Variants in MYO6 observed in about 807,000 individuals in gnomAD.
The protein encoded by MYO6 is unconventional myosin-VI.
Under a neutral mutation model 178.7 loss-of-function variants are expected in MYO6, and 74 were observed. The ratio of observed to expected loss-of-function variants is 0.41; its 90% CI spans 0.34 to 0.50. The LOEUF is 0.50. Among genes scored for constraint, MYO6 ranks in the 20% least tolerant of loss-of-function variants. The pLI is 0.09. For missense variants in MYO6, 1,330 were observed against 1,547.4 expected, an observed-to-expected ratio of 0.86 and a Z score of 2.36; for synonymous variants, 477 against 504.6, an observed-to-expected ratio of 0.95 and a Z score of 0.73.
Position 75,907,781 on chromosome 6 carries a change from G to GGTGTGTGTGT in MYO6, c.3280+76_3280+85dup, listed in dbSNP as rs957330651. 2.9e-6 allele frequency: 3 copies of GGTGTGTGTGT among 1,035,544 alleles called. No individual in the cohort carries two copies. In the East Asian group the frequency reaches 7.7e-5, roughly 27 times the overall value. The allele number at this position is 1,035,544 out of a possible 1,614,324, so 64.1% of individuals were successfully genotyped here. A position where few individuals can be genotyped will look rare whatever the true frequency, so the allele number is the denominator to read the frequency against. On this transcript the variant is annotated intron_variant, in intron 31 of 34. Transcript: ENST00000369977. ...GTGATAAATACCTAGATTAGGGTGA[G>GGTGTGTGTGT]GTGTGTGTGTGTATGTGTGTGTGTG... is the stretch of plus-strand genomic sequence containing the variant.
At chr6:75,845,774 C>G (rs969262296) in intron 10 of MYO6, among the ~76,000 whole-genome samples, 2 of 151,996 alleles carry the variant, frequency 1.3e-5, no homozygotes, top group Admixed American at 1.3e-4. Context: ...CATTTGAGTT[C>G]AGGAGTTTGA....
At chr6:75,859,640 G>T (rs1418523330) in intron 14 of MYO6, among the ~76,000 whole-genome samples, 2 of 144,028 alleles carry the variant, frequency 1.4e-5, no homozygotes, top group Non-Finnish European at 3.0e-5. Flanking sequence ...CCTTCTACCC[G>T]CATCCCTGCC....
At chr6:75,807,595 G>T (rs1770229868) in intron 1 of MYO6, among the ~76,000 whole-genome samples, 1 of 152,082 alleles carries the variant, frequency 6.6e-6, no homozygotes, top group Non-Finnish European at 1.5e-5. Flanking sequence ...CAAGAGAGAG[G>T]GTTCTTGGAT....
At chr6:75,782,938 A>G (rs917172011) in intron 1 of MYO6, among the ~76,000 whole-genome samples, 5 of 140,162 alleles carry the variant, frequency 3.6e-5, no homozygotes, top group Admixed American at 7.2e-5. Context: ...TTGAGAAGAC[A>G]GGGTCTTGCT....
Position 75,892,686 on chromosome 6 carries a change from C to A in MYO6, c.3103C>A (p.Arg1035=), listed in dbSNP as rs551471138. 1.9e-6 allele frequency: 3 copies of A among 1,612,218 alleles called. No homozygotes were observed. Among genetic ancestry groups the A allele is most frequent in the Non-Finnish European group, 2.5e-6 (3 of 1,179,936 alleles). Residue 1035 remains arginine, a synonymous_variant, in exon 28 of 35, where the codon CGG becomes AGG. Transcript: ENST00000369977. The stretch of plus-strand genomic sequence containing the variant: ...TGAGGCCCAGGCCGACCTGGCGCTG[C>A]GGAGGTACTGGGGCCCCTGGGTGGG... The part of the protein sequence containing the change: ...SDEAQADLAL[R]RNDGTRPKMT...
chr6:75,787,677 TC>T (rs1189834644), intron 1 of MYO6, among the ~76,000 whole-genome samples: 31 of 12,418 alleles, frequency 2.5e-3, no homozygotes, highest in Non-Finnish European at 3.3e-3. Context: ...ATGGAACTAT[TC>T]TCTCTCTCTC....
chr6:75,866,918 G>T lies in MYO6; in HGVS notation c.1771-14G>T. Reference sequence around the variant, plus strand: ...AAGATGGACAGAAACATTCCTGTTTGATTTATTTTTCAGACCCAGTTTGTG... The same window carrying T: ...AAGATGGACAGAAACATTCCTGTTTTATTTATTTTTCAGACCCAGTTTGTG... On this transcript the variant is annotated splice_polypyrimidine_tract_variant and intron_variant, in intron 17 of 34. Transcript: ENST00000369977. 6.2e-7 allele frequency: 1 copy of T among 1,612,754 alleles called. No homozygotes were observed. The highest frequency in any genetic ancestry group is 1.1e-5 in the South Asian group (1 of 90,908).
At chr6:75,781,973 C>G (rs1329450518) in intron 1 of MYO6, among the ~76,000 whole-genome samples, 1 of 147,414 alleles carries the variant, frequency 6.8e-6, no homozygotes, top group Non-Finnish European at 1.5e-5. Flanking sequence ...TGGCGTGTCA[C>G]CTAAACCACG....
At chr6:75,772,119 A>G (rs1562135069) in intron 1 of MYO6, among the ~76,000 whole-genome samples, 1 of 152,144 alleles carries the variant, frequency 6.6e-6, no homozygotes, top group East Asian at 1.9e-4. Context: ...TTTCTGGCCT[A>G]CCGTATCTAA....
intron 1 of MYO6, among the ~76,000 whole-genome samples, chr6:75,784,451 G>T (rs1767305147): frequency 6.6e-6 from 1 of 151,950 alleles, no homozygotes; most frequent in South Asian, 2.1e-4. Flanking sequence ...GCTTTCCATA[G>T]GATATGGCAG....
rs548741743 is a variant in MYO6 at position 75,912,817 on chromosome 6, C to G, written c.3439+1119C>G. ...AGCAAAAGAATAGATAAGCAGATGT[C>G]TGTTAATATGTGATGCAGCTTTTAA... On this transcript the variant is annotated intron_variant, in intron 33 of 34. Coordinates refer to ENST00000369977, the MANE Select transcript of MYO6 (RefSeq NM_004999.4). Among the ~76,000 whole-genome samples the G allele has an allele frequency of 2.0e-5, 3 of 152,226 alleles. No individual in the cohort carries two copies. The East Asian group carries it at 5.8e-4, about 29-fold the overall frequency.
chr6:75,821,730 G>C (rs1771896891), intron 2 of MYO6, among the ~76,000 whole-genome samples: 1 of 152,048 alleles, frequency 6.6e-6, no homozygotes, highest in South Asian at 2.1e-4. Context: ...AGAAACTTCA[G>C]CCACAAGAGT....
At chr6:75,905,170 T>C (rs888744416) in intron 30 of MYO6, among the ~76,000 whole-genome samples, 1 of 151,576 alleles carries the variant, frequency 6.6e-6, no homozygotes, top group Non-Finnish European at 1.5e-5. Flanking sequence ...AGGTTACTGC[T>C]GTCTTTTTGT....
At chr6:75,898,165 C>T (rs1044840741) in intron 29 of MYO6, among the ~76,000 whole-genome samples, 1 of 152,136 alleles carries the variant, frequency 6.6e-6, no homozygotes, top group African/African-American at 2.4e-5. Flanking sequence ...ATTCAAATAA[C>T]TTGAACTGGA....
chr6:75,905,739 G>A (rs541078013), intron 30 of MYO6, among the ~76,000 whole-genome samples: 4 of 152,284 alleles, frequency 2.6e-5, no homozygotes, highest in South Asian at 2.1e-4. Context: ...ATCTTGGCTC[G>A]TGCCTCCACA....
At chr6:75,762,947 C>G (rs1778078989) in intron 1 of MYO6, among the ~76,000 whole-genome samples, 2 of 151,634 alleles carry the variant, frequency 1.3e-5, no homozygotes, top group Admixed American at 1.3e-4. Context: ...GTATTGAACT[C>G]CTGGTCTCAA....
chr6:75,775,305 T>TG (rs1413073510), intron 1 of MYO6, among the ~76,000 whole-genome samples: 6 of 152,130 alleles, frequency 3.9e-5, no homozygotes, highest in Non-Finnish European at 7.4e-5. Flanking sequence ...AATTCTTCCA[T>TG]AGCAGGCACA....
chr6:75,816,970 G>T (rs1771318050), intron 1 of MYO6, among the ~76,000 whole-genome samples: 1 of 152,190 alleles, frequency 6.6e-6, no homozygotes, highest in Non-Finnish European at 1.5e-5. Flanking sequence ...TAGAGCAGGT[G>T]TACCTGAGGG....
chr6:75,854,372 G>A (rs1350717212), intron 11 of MYO6, among the ~76,000 whole-genome samples: 2 of 141,562 alleles, frequency 1.4e-5, no homozygotes, highest in Non-Finnish European at 3.0e-5. Context: ...ATACCCCTAA[G>A]GGTAACAGTA....
Sources: allele counts gnomAD v4.1 joint callset (sites outside exome capture counted in the v4.1 genomes callset), GRCh38; gene constraint gnomAD v4.1.1; transcripts MANE v1.5; gene names NCBI Gene and HGNC (gene_info 2026-07-23, HGNC 2026-07-21).